The following PTK2 variants were observed in gnomAD, a reference collection of about 807,000 sequenced individuals.
PTK2 encodes the protein protein tyrosine kinase 2.
PTK2 carries 45 observed loss-of-function variants against 150.1 expected under a neutral mutation model. The ratio of observed to expected loss-of-function variants is 0.30; its 90% CI spans 0.24 to 0.38. The LOEUF (loss-of-function observed/expected upper bound fraction) is 0.38, where lower values mean the gene tolerates loss of function less well. Among genes scored for constraint, PTK2 ranks in the 10% least tolerant of loss-of-function variants. The pLI is 1.00. For missense variants in PTK2, 919 were observed against 1,307.3 expected (o/e 0.70, Z 4.58); for synonymous variants, 432 against 449.2 (o/e 0.96, Z 0.48).
At chr8:140,922,613 GAACTTA>G (rs1426762266) in intron 2 of PTK2, among the ~76,000 whole-genome samples, 10 of 152,210 alleles carry the variant, frequency 6.6e-5, no homozygotes, top group Admixed American at 2.0e-4. Context: ...GTCCATCTTG[GAACTTA>G]CGGCTCTCAA....
At chr8:140,678,673 G>A (rs190475351) in intron 27 of PTK2, among the ~76,000 whole-genome samples, 38 of 152,264 alleles carry the variant, frequency 2.5e-4, no homozygotes, top group Non-Finnish European at 5.0e-4. Flanking sequence ...GTTTTAAGTA[G>A]GAAGGTCAGG....
chr8:140,781,427 C>A (rs956490576), intron 14 of PTK2, among the ~76,000 whole-genome samples: 1 of 152,084 alleles, frequency 6.6e-6, no homozygotes, highest in Non-Finnish European at 1.5e-5. Flanking sequence ...GACAAAAATA[C>A]ATTTTTGTTT....
At chr8:140,883,816 A>G (rs1017892852) in intron 3 of PTK2, among the ~76,000 whole-genome samples, 1 of 152,020 alleles carries the variant, frequency 6.6e-6, no homozygotes, top group Non-Finnish European at 1.5e-5. Flanking sequence ...ATAAATCACC[A>G]CAAACTTGGG....
intron 1 of PTK2, among the ~76,000 whole-genome samples, chr8:140,962,283 G>A (rs537036032): frequency 1.4e-5 from 2 of 147,992 alleles, no homozygotes; most frequent in Admixed American, 6.8e-5. Context: ...GAGGAAGGGA[G>A]GGAGGAAGGG....
intron 1 of PTK2, among the ~76,000 whole-genome samples, chr8:140,962,105 G>T (rs1241776741): frequency 3.3e-5 from 5 of 151,680 alleles, no homozygotes; most frequent in African/African-American, 9.7e-5. Flanking sequence ...AATTAGCCAG[G>T]AGCTACTCAG....
chr8:140,896,571 C>G (rs979454908), intron 2 of PTK2, among the ~76,000 whole-genome samples: 6 of 152,172 alleles, frequency 3.9e-5, no homozygotes, highest in Admixed American at 6.5e-5. Flanking sequence ...ATTTACCAAC[C>G]ATTCATGATA....
intron 2 of PTK2, among the ~76,000 whole-genome samples, chr8:140,922,580 T>C (rs2100167919): frequency 6.6e-6 from 1 of 152,124 alleles, no homozygotes; most frequent in African/African-American, 2.4e-5. Flanking sequence ...TAATGGACTG[T>C]ACAAATAATC....
At chr8:140,982,893 T>C (rs555598773) in intron 1 of PTK2, among the ~76,000 whole-genome samples, 1 of 152,220 alleles carries the variant, frequency 6.6e-6, no homozygotes, top group African/African-American at 2.4e-5. Flanking sequence ...CATTACAACA[T>C]TGTTTCTGTA....
intron 2 of PTK2, among the ~76,000 whole-genome samples, chr8:140,896,925 G>A (rs1380045029): frequency 1.3e-5 from 2 of 152,108 alleles, no homozygotes; most frequent in Admixed American, 6.5e-5. Flanking sequence ...ATAAACTGCT[G>A]GAATAAATAA....
In PTK2 at chr8:140,739,120, T is replaced by C. The variant is rs2100054214; in HGVS notation, c.1736-13A>G. 1 of 1,499,758 alleles carries C rather than the reference T, an allele frequency of 6.7e-7. No individual in the cohort carries two copies. The highest frequency in any genetic ancestry group is 1.4e-5 in the African/African-American group (1 of 71,168). The allele number at this position is 1,499,758 out of a possible 1,614,324, so 92.9% of individuals were successfully genotyped here. On this transcript the variant is annotated splice_polypyrimidine_tract_variant and intron_variant, in intron 20 of 31. Transcript: ENST00000522684. ...TTTCCTTTGGAAGCTAGAAGATTAATTTTAGAAAATAAATTTTCCTTGTTA... is the reference window on the plus strand; with the variant it reads ...TTTCCTTTGGAAGCTAGAAGATTAACTTTAGAAAATAAATTTTCCTTGTTA...
At chr8:140,747,335 C>G (rs1030502900) in intron 17 of PTK2, 1 of 152,390 alleles carries the variant, frequency 6.6e-6, no homozygotes, top group African/African-American at 2.6e-5. Context: ...AAGGTATGTC[C>G]TACTATTGAG....
At chr8:140,761,906 C>T (rs751315234) in intron 15 of PTK2, among the ~76,000 whole-genome samples, 3 of 151,968 alleles carry the variant, frequency 2.0e-5, no homozygotes, top group Admixed American at 6.6e-5. Context: ...AGACCATGTG[C>T]CTCAAATTAA....
At position 140,748,274 on chromosome 8, in the gene PTK2, A is replaced by G. The variant is rs1343690890; in HGVS notation, c.1418-1414T>C. On this transcript the variant is annotated intron_variant, in intron 17 of 31. Coordinates refer to ENST00000522684, the Ensembl canonical transcript of PTK2. ...TTTGGGAGGCCGAGGTGGGCCGATC[A>G]CCTGAGGTCAGGAGTTTGAGACCAG... Among the ~76,000 whole-genome samples, 4 of 152,082 alleles carry G rather than the reference A, an allele frequency of 2.6e-5. No homozygotes were observed. In the East Asian group the frequency reaches 7.7e-4, roughly 29 times the overall value.
intron 12 of PTK2, chr8:140,799,403 T>G (rs549911091): frequency 6.6e-6 from 1 of 152,480 alleles, no homozygotes; most frequent in East Asian, 1.9e-4. Context: ...TTCAGGACTT[T>G]TTTTCCTCTA....
chr8:140,676,782 A>AAAAAAAAAAAT (rs1564133188), intron 27 of PTK2, among the ~76,000 whole-genome samples: 1 of 146,164 alleles, frequency 6.8e-6, no homozygotes, highest in African/African-American at 2.6e-5. Context: ...AAAAAAAAAA[A>AAAAAAAAAAAT]AAAAAAATAG....
intron 14 of PTK2, among the ~76,000 whole-genome samples, chr8:140,772,563 G>C (rs2154560129): frequency 6.6e-6 from 1 of 152,364 alleles, no homozygotes; most frequent in East Asian, 1.9e-4. Context: ...GCGGATAAGA[G>C]CATTTCTTCA....
chr8:140,836,516 AG>A (rs2100118727), intron 7 of PTK2, among the ~76,000 whole-genome samples: 1 of 152,230 alleles, frequency 6.6e-6, no homozygotes, highest in African/African-American at 2.4e-5. Context: ...TTTATATAAG[AG>A]AAATAAACTT....
chr8:140,789,318 C>T (rs879176030), intron 14 of PTK2, among the ~76,000 whole-genome samples, 156 bp downstream of exon 14: 1 of 148,978 alleles, frequency 6.7e-6, no homozygotes, highest in Non-Finnish European at 1.5e-5. Flanking sequence ...ATACTTAAAA[C>T]TATTTAATGA....
At chr8:140,998,576 T>C (rs1394424043) in intron 1 of PTK2, among the ~76,000 whole-genome samples, 3 of 152,012 alleles carry the variant, frequency 2.0e-5, no homozygotes, top group Non-Finnish European at 4.4e-5. Flanking sequence ...CCCAGCACTT[T>C]GGGAGGCCAA....
Sources: allele counts gnomAD v4.1 joint callset (sites outside exome capture counted in the v4.1 genomes callset), GRCh38; gene constraint gnomAD v4.1.1; transcripts MANE v1.5; gene names NCBI Gene and HGNC (gene_info 2026-07-23, HGNC 2026-07-21).